Variants in SETBP1 observed in about 807,000 individuals in gnomAD.
The protein encoded by SETBP1 is SET-binding protein.
A neutral mutation model predicts 101.0 loss-of-function variants in SETBP1; 9 were observed. That is an observed-to-expected ratio of 0.09 (90% CI 0.05 to 0.16). The LOEUF (loss-of-function observed/expected upper bound fraction) is 0.16. SETBP1 is among the 10% of genes least tolerant of loss of function. The probability of loss-of-function intolerance (pLI) is 1.00; values close to 1 mark genes in which losing one functional copy is unlikely to be tolerated. For synonymous variants in SETBP1, 818 were observed against 788.5 expected, an observed-to-expected ratio of 1.04 and a Z score of -0.63; for missense variants, 1,858 against 2,033.8, an observed-to-expected ratio of 0.91 and a Z score of 1.66.
At chr18:44,937,454 C>CAAAAAAAAAAAAAAAAAAAAAA (rs34414710) in intron 3 of SETBP1, among the ~76,000 whole-genome samples, 1 of 83,394 alleles carries the variant, frequency 1.2e-5, no homozygotes, top group African/African-American at 4.8e-5. Flanking sequence ...GACTCCGTCT[C>CAAAAAAAAAAAAAAAAAAAAAA]AAAAAAAAAA....
At chr18:44,737,977 TACC>T (rs2070008122) in intron 2 of SETBP1, among the ~76,000 whole-genome samples, 1 of 152,246 alleles carries the variant, frequency 6.6e-6, no homozygotes. Context: ...CCCCATTGTC[TACC>T]ATTTATGAAT....
intron 2 of SETBP1, among the ~76,000 whole-genome samples, chr18:44,831,261 TTTCCC>T (rs1279102444): frequency 2.0e-5 from 3 of 152,218 alleles, no homozygotes; most frequent in Admixed American, 2.0e-4. Flanking sequence ...GACATAATAC[TTTCCC>T]TAGAGATTCC....
chr18:44,774,522 C>G (rs1275212874), intron 2 of SETBP1, among the ~76,000 whole-genome samples: 1 of 152,154 alleles, frequency 6.6e-6, no homozygotes, highest in Non-Finnish European at 1.5e-5. Context: ...TGATGGATCA[C>G]TGCTATAGGT....
At chr18:44,981,589 G>T (rs907456129) in intron 4 of SETBP1, among the ~76,000 whole-genome samples, 1 of 152,194 alleles carries the variant, frequency 6.6e-6, no homozygotes, top group Non-Finnish European at 1.5e-5. Context: ...ACAGGACTTT[G>T]CAAGAGAAGA....
intron 2 of SETBP1, among the ~76,000 whole-genome samples, chr18:44,868,192 G>T (rs1253312883): frequency 3.3e-5 from 5 of 152,184 alleles, no homozygotes; most frequent in Non-Finnish European, 7.3e-5. Context: ...ACACAGAGGT[G>T]CAGAAAGTAC....
rs548495899 is a variant in SETBP1, at chr18:44,800,459, C to T, written c.487-68771C>T. Among the ~76,000 whole-genome samples, 48 of 152,262 alleles carry T rather than the reference C, an allele frequency of 3.2e-4. No homozygotes were observed. The South Asian group carries it at 9.3e-3, about 30-fold the overall frequency. ...ACCAACCCTGGTGGCCTTCCGAGCACGGATCCGACAATCAAAATGTAAATA... is the reference window on the plus strand; with the variant it reads ...ACCAACCCTGGTGGCCTTCCGAGCATGGATCCGACAATCAAAATGTAAATA... On this transcript the variant is annotated intron_variant, in intron 2 of 5. Transcript: ENST00000649279.
chr18:44,812,869 T>C (rs2071892528), intron 2 of SETBP1, among the ~76,000 whole-genome samples: 1 of 152,310 alleles, frequency 6.6e-6, no homozygotes, highest in African/African-American at 2.4e-5. Flanking sequence ...GCCTGGGATT[T>C]CTCTTATTTC....
chr18:44,910,080 G>C lies in SETBP1; in HGVS notation c.541-39801G>C, dbSNP rs79956814. On this transcript the variant is annotated intron_variant, in intron 3 of 5. Transcript: ENST00000649279. ...CCATAACTATCGGATGGGTGTTTCT[G>C]AAGGCTGAGAACTGCCCGCCGTCTG... Among the ~76,000 whole-genome samples, 79 of 152,322 alleles carry C rather than the reference G, an allele frequency of 5.2e-4. No homozygotes were observed. In the East Asian group the frequency reaches 0.014, roughly 28 times the overall value.
intron 2 of SETBP1, among the ~76,000 whole-genome samples, chr18:44,716,568 G>A (rs946927979): frequency 3.3e-5 from 5 of 151,962 alleles, no homozygotes; most frequent in African/African-American, 1.2e-4. Flanking sequence ...CTTTTTGTTT[G>A]TTTGTTTGTT....
chr18:44,940,986 T>C (rs2071076736), intron 3 of SETBP1, among the ~76,000 whole-genome samples: 1 of 152,066 alleles, frequency 6.6e-6, no homozygotes, highest in African/African-American at 2.4e-5. Context: ...TCGCTGGATA[T>C]ATAAATTTGA....
At chr18:44,885,863 A>C (rs1431233641) in intron 3 of SETBP1, among the ~76,000 whole-genome samples, 1 of 125,166 alleles carries the variant, frequency 8.0e-6, no homozygotes, top group Non-Finnish European at 1.8e-5. Context: ...AAAACAAAAA[A>C]AAAAACAAGG....
intron 2 of SETBP1, among the ~76,000 whole-genome samples, chr18:44,868,559 G>A (rs1235494605): frequency 2.0e-5 from 3 of 152,048 alleles, no homozygotes; most frequent in South Asian, 2.1e-4. Context: ...GCCGGGCATG[G>A]TGGCAGGCAT....
chr18:45,053,206 A>C (rs893683383), intron 5 of SETBP1, among the ~76,000 whole-genome samples: 2 of 152,192 alleles, frequency 1.3e-5, no homozygotes, highest in Non-Finnish European at 2.9e-5. Flanking sequence ...GAAAATAATC[A>C]AACCAATTTT....
At chr18:44,798,415 C>G (rs191260261) in intron 2 of SETBP1, among the ~76,000 whole-genome samples, 7 of 152,170 alleles carry the variant, frequency 4.6e-5, no homozygotes, top group Non-Finnish European at 8.8e-5. Flanking sequence ...GGAAATGTCC[C>G]TCTGACCATC....
intron 2 of SETBP1, among the ~76,000 whole-genome samples, chr18:44,832,415 A>G (rs2144466488): frequency 6.6e-6 from 1 of 152,204 alleles, no homozygotes; most frequent in East Asian, 1.9e-4. Context: ...GGAAATGCTG[A>G]TGCCCCTGGC....
chr18:44,700,405 A>T (rs2069096072), intron 1 of SETBP1, among the ~76,000 whole-genome samples: 1 of 152,180 alleles, frequency 6.6e-6, no homozygotes, highest in African/African-American at 2.4e-5. Context: ...CAGAAAGGGA[A>T]TTACAACTGT....
In SETBP1 at chr18:44,949,936, A is replaced by C. The variant is rs1347599587; in HGVS notation, c.596A>C (p.Gln199Pro). 1 of 1,614,132 alleles carries C rather than the reference A, an allele frequency of 6.2e-7. No individual in the cohort carries two copies. Among genetic ancestry groups the C allele is most frequent in the South Asian group, 1.1e-5 (1 of 91,080 alleles). ...CTCCATTATGACACGGGCCTCCCACAGGACTTCACCGGTGACACCTTAAAA... is the reference window on the plus strand; with the variant it reads ...CTCCATTATGACACGGGCCTCCCACCGGACTTCACCGGTGACACCTTAAAA... Reference protein sequence around the residue: ...STLHYDTGLPQDFTGDTLKPK... With the variant: ...STLHYDTGLPPDFTGDTLKPK... The change falls in exon 4 of 6, where the codon CAG becomes CCG. Residue 199 changes from glutamine (Q) to proline (P), a missense_variant. By Grantham distance (76) the Gln-to-Pro change is moderately conservative (BLOSUM62 -1). Transcript: ENST00000649279.
At chr18:44,876,978 A>G (rs2069421021) in intron 3 of SETBP1, 2 of 1,234,536 alleles carry the variant, frequency 1.6e-6, no homozygotes, top group African/African-American at 3.1e-5. Flanking sequence ...GCCCTGATGC[A>G]GCATTCACTG....
intron 5 of SETBP1, among the ~76,000 whole-genome samples, chr18:45,054,689 C>T (rs2073779711): frequency 6.6e-6 from 1 of 152,170 alleles, no homozygotes; most frequent in African/African-American, 2.4e-5. Flanking sequence ...CAAAATCTGG[C>T]TTGCCCTCCT....
Sources: allele counts gnomAD v4.1 joint callset (sites outside exome capture counted in the v4.1 genomes callset), GRCh38; gene constraint gnomAD v4.1.1; transcripts MANE v1.5; gene names NCBI Gene and HGNC (gene_info 2026-07-23, HGNC 2026-07-21).